The following IGFL2 variants were observed in gnomAD, a reference collection of about 807,000 sequenced individuals.
IGFL2 encodes insulin growth factor-like family member 2.
IGFL2 carries 7 observed loss-of-function variants against 13.9 expected under a neutral mutation model. That is an observed-to-expected ratio of 0.51 (90% CI 0.29 to 0.95). The LOEUF is 0.95. Ranked by LOEUF, IGFL2 falls within the 40% of genes least tolerant of loss-of-function variation. The probability of loss-of-function intolerance (pLI) is 0.08; values close to 1 mark genes in which losing one functional copy is unlikely to be tolerated. For missense variants in IGFL2, 138 were observed against 147.8 expected (o/e 0.93, Z 0.34); for synonymous variants, 55 against 55.8 (o/e 0.99, Z 0.07).
Position 46,161,236 on chromosome 19 carries a change from A to G in IGFL2, c.*148A>G. 1 of 622,722 alleles carries G rather than the reference A, an allele frequency of 1.6e-6. No individual in the cohort carries two copies. Among genetic ancestry groups the G allele is most frequent in the Admixed American group, 2.9e-5 (1 of 35,012 alleles). 38.6% of individuals were successfully genotyped at this position (622,722 alleles called of 1,614,324 possible). Reference sequence around the variant, plus strand: ...GGCCCATGTGGGAGACTGATGGGACATGGAGAATGACAGTAGATTATCAGG... The same window carrying G: ...GGCCCATGTGGGAGACTGATGGGACGTGGAGAATGACAGTAGATTATCAGG... On this transcript the variant is annotated 3_prime_UTR_variant, in exon 4 of 4. Transcript: ENST00000377693.
At chr19:46,185,143 A>G in the IGFL2 span, among the ~76,000 whole-genome samples, 1 of 151,790 alleles carries the variant, frequency 6.6e-6, no homozygotes, top group Non-Finnish European at 1.5e-5. Context: ...TAGATTCTGG[A>G]TATTAGCTCT....
chr19:46,122,176 GC>G, the IGFL2 span, among the ~76,000 whole-genome samples: 1 of 150,892 alleles, frequency 6.6e-6, no homozygotes, highest in Non-Finnish European at 1.5e-5. Context: ...CACTTCCATT[GC>G]CCTGACTTTC....
the IGFL2 span, among the ~76,000 whole-genome samples, chr19:46,105,359 A>G: frequency 2.6e-5 from 4 of 152,298 alleles, no homozygotes; most frequent in African/African-American, 7.2e-5. Flanking sequence ...AGTAGCCTCA[A>G]TGATAGATGT....
chr19:46,160,908 G>T lies in IGFL2; in HGVS notation c.341+27G>T, dbSNP rs759718272. ...TAGGGACCCCGTCCCTGGCCAGGGG[G>T]TCGGGGGAAGGGAGGTGGAAATGAG... On this transcript the variant is annotated intron_variant, in intron 3 of 3. Transcript: ENST00000377693. 1.9e-6 allele frequency: 3 copies of T among 1,611,204 alleles called. No individual in the cohort carries two copies. In the South Asian group the frequency reaches 3.3e-5, roughly 18 times the overall value.
chr19:46,090,139 T>C, the IGFL2 span, among the ~76,000 whole-genome samples: 1 of 152,110 alleles, frequency 6.6e-6, no homozygotes, highest in Admixed American at 6.5e-5. Flanking sequence ...CTGTTTAGAC[T>C]CTGTATTGCA....
chr19:46,155,032 G>C (rs534027530), intron 1 of IGFL2, among the ~76,000 whole-genome samples: 17 of 152,040 alleles, frequency 1.1e-4, no homozygotes, highest in Admixed American at 2.0e-4. Flanking sequence ...ACACTGGGAG[G>C]GGGTGGTAGC....
At chr19:46,206,203 C>T in the IGFL2 span, among the ~76,000 whole-genome samples, 7 of 152,156 alleles carry the variant, frequency 4.6e-5, no homozygotes, top group Non-Finnish European at 8.8e-5. Context: ...CCCCCTGCCC[C>T]GTCATCATCA....
chr19:46,084,039 C>A, the IGFL2 span, among the ~76,000 whole-genome samples: 2 of 152,156 alleles, frequency 1.3e-5, no homozygotes, highest in Non-Finnish European at 2.9e-5. Context: ...CTTTTAATTT[C>A]TTCACTGACC....
the IGFL2 span, among the ~76,000 whole-genome samples, chr19:46,103,320 C>T: frequency 6.6e-6 from 1 of 151,986 alleles, no homozygotes; most frequent in Non-Finnish European, 1.5e-5. Context: ...AATGCAAAGC[C>T]AACAATCGTT....
the IGFL2 span, among the ~76,000 whole-genome samples, chr19:46,119,303 A>C: frequency 6.6e-6 from 1 of 152,148 alleles, no homozygotes; most frequent in African/African-American, 2.4e-5. Flanking sequence ...TGTAACACCA[A>C]CATGGAGGGC....
At chr19:46,178,161 C>T in the IGFL2 span, among the ~76,000 whole-genome samples, 7 of 152,220 alleles carry the variant, frequency 4.6e-5, no homozygotes, top group African/African-American at 9.6e-5. Flanking sequence ...CCTGTAATCC[C>T]AGCTACTCAG....
chr19:46,123,769 C>T, the IGFL2 span: 2 of 1,189,230 alleles, frequency 1.7e-6, no homozygotes, highest in Non-Finnish European at 2.4e-6. Context: ...TCCCCTGCTG[C>T]CACCAGCCTG....
chr19:46,110,366 C>T, the IGFL2 span, among the ~76,000 whole-genome samples: 3 of 152,196 alleles, frequency 2.0e-5, no homozygotes, highest in Admixed American at 1.3e-4. Context: ...CCTCCTGATT[C>T]CTGCAACAAC....
At chr19:46,145,036 A>G (rs1029781898), upstream of IGFL2, among the ~76,000 whole-genome samples, 2 of 151,972 alleles carry the variant, frequency 1.3e-5, 1 homozygote, top group African/African-American at 4.8e-5. Flanking sequence ...CTGTTGATAG[A>G]TATTTGAGTT....
At chr19:46,168,467 C>T in the IGFL2 span, among the ~76,000 whole-genome samples, 126 of 152,294 alleles carry the variant, frequency 8.3e-4, 2 homozygotes, top group Middle Eastern at 0.017. Context: ...TGTCATACTC[C>T]TCCCTTTGAG....
upstream of IGFL2, among the ~76,000 whole-genome samples, chr19:46,140,668 T>A (rs1055794187): frequency 1.3e-5 from 2 of 152,214 alleles, no homozygotes; most frequent in African/African-American, 4.8e-5. Flanking sequence ...CCCTACGATT[T>A]GTTGACAGGC....
the IGFL2 span, chr19:46,204,733 G>A: frequency 6.6e-6 from 1 of 152,180 alleles, no homozygotes; most frequent in African/African-American, 2.4e-5. Flanking sequence ...TGGACTTCAG[G>A]AGAAATGACA....
chr19:46,156,006 A>G (rs1456419873), intron 1 of IGFL2, among the ~76,000 whole-genome samples: 1 of 152,166 alleles, frequency 6.6e-6, no homozygotes, highest in African/African-American at 2.4e-5. Flanking sequence ...GTATAGAGTC[A>G]GGGTGTCACT....
the IGFL2 span, among the ~76,000 whole-genome samples, chr19:46,081,453 G>A: frequency 6.6e-6 from 1 of 152,104 alleles, no homozygotes; most frequent in African/African-American, 2.4e-5. Flanking sequence ...AGTTTCATCA[G>A]TTGTCCCACT....
Sources: allele counts gnomAD v4.1 joint callset (sites outside exome capture counted in the v4.1 genomes callset), GRCh38; gene constraint gnomAD v4.1.1; transcripts MANE v1.5; gene names NCBI Gene and HGNC (gene_info 2026-07-23, HGNC 2026-07-21).